Variants in SLC15A4 observed in about 807,000 individuals in gnomAD.
SLC15A4 encodes hPHT1.
In SLC15A4, 26 loss-of-function variants were observed where a neutral mutation model predicts 46.1. That is an observed-to-expected ratio of 0.56 (90% CI 0.41 to 0.78). The LOEUF is 0.78. Ranked by LOEUF, SLC15A4 falls within the 30% of genes least tolerant of loss-of-function variation. The probability of loss-of-function intolerance (pLI) is 0.00; values close to 1 mark genes in which losing one functional copy is unlikely to be tolerated. For missense variants in SLC15A4, 751 were observed against 755.7 expected (o/e 0.99, Z 0.07); for synonymous variants, 370 against 333.4 (o/e 1.11, Z -1.20).
At chr12:128,806,787 G>T (rs1955594319) in intron 5 of SLC15A4, among the ~76,000 whole-genome samples, 1 of 152,054 alleles carries the variant, frequency 6.6e-6, no homozygotes, top group Non-Finnish European at 1.5e-5. Context: ...CACTAGGTCA[G>T]AGCGCATGCC....
At position 128,823,861 on chromosome 12, in the gene SLC15A4, CCAGCCGCCGCCG is replaced by C. The variant is rs1020526956; in HGVS notation, c.71_82del (p.Ala24_Ala27del). On this transcript the variant is annotated inframe_deletion, in exon 1 of 8. Coordinates refer to ENST00000266771, the MANE Select transcript of SLC15A4 (RefSeq NM_145648.4). Reference sequence around the variant, plus strand: ...CGCCGCGCGCCGGCCCGCGAACGCCCCAGCCGCCGCCGCGGCCGCCGCCGCCCGCCGCGCGCC... The same window carrying C: ...CGCCGCGCGCCGGCCCGCGAACGCCCCGGCCGCCGCCGCCCGCCGCGCGCC... The C allele has an allele frequency of 2.7e-5, 29 of 1,080,600 alleles. No individual in the cohort carries two copies. The highest frequency in any genetic ancestry group is 6.7e-5 in the African/African-American group (4 of 59,344). 66.9% of individuals were successfully genotyped at this position (1,080,600 alleles called of 1,614,324 possible). A position where few individuals can be genotyped will look rare whatever the true frequency, so the allele number is the denominator to read the frequency against.
At chr12:128,815,112 G>A (rs1276474551) in intron 1 of SLC15A4, 42 bp from the exon 2 acceptor site, 3 of 1,569,440 alleles carry the variant, frequency 1.9e-6, no homozygotes, top group East Asian at 4.5e-5. Context: ...ATATATGACA[G>A]TCTTCAAGGA....
At chr12:128,816,848 T>C (rs1955759267) in intron 1 of SLC15A4, among the ~76,000 whole-genome samples, 1 of 152,204 alleles carries the variant, frequency 6.6e-6, no homozygotes. Flanking sequence ...AGATATGGTA[T>C]GTAATAAGCA....
At chr12:128,816,469 A>C (rs1401614161) in intron 1 of SLC15A4, among the ~76,000 whole-genome samples, 2 of 152,226 alleles carry the variant, frequency 1.3e-5, no homozygotes, top group Non-Finnish European at 2.9e-5. Flanking sequence ...TATTCTAATA[A>C]TAGATCTAGT....
chr12:128,808,303 C>T (rs1955613421), intron 5 of SLC15A4, among the ~76,000 whole-genome samples: 2 of 152,152 alleles, frequency 1.3e-5, no homozygotes, highest in African/African-American at 4.8e-5. Context: ...GCCCAGGAGC[C>T]TGTAACAATC....
At chr12:128,806,287 T>C (rs1157815211) in intron 5 of SLC15A4, among the ~76,000 whole-genome samples, 1 of 151,970 alleles carries the variant, frequency 6.6e-6, no homozygotes, top group Non-Finnish European at 1.5e-5. Context: ...CCACCTAAGA[T>C]GACAAGTTTG....
intron 6 of SLC15A4, among the ~76,000 whole-genome samples, chr12:128,800,062 C>T (rs1051425981): frequency 4.6e-5 from 7 of 152,024 alleles, no homozygotes; most frequent in Admixed American, 2.6e-4. Context: ...AGGCTGGTCT[C>T]GAACTCCTGA....
At chr12:128,806,158 T>G (rs1955585033) in intron 5 of SLC15A4, among the ~76,000 whole-genome samples, 1 of 86,944 alleles carries the variant, frequency 1.2e-5, no homozygotes, top group Non-Finnish European at 2.3e-5. Flanking sequence ...CGACAGAGAC[T>G]CTGTCTCAAA....
Position 128,799,292 on chromosome 12 carries a change from C to A in SLC15A4, c.1540G>T (p.Ala514Ser). The A allele has an allele frequency of 1.2e-6, 2 of 1,614,160 alleles. No individual in the cohort carries two copies. The highest frequency in any genetic ancestry group is 1.7e-6 in the Non-Finnish European group (2 of 1,180,036). ...GTGTGACTGCTCATCCATCCGATGG[C>A]TTTGATAGACACCAGTGCCAGCAGT... ...SGLLALVSIKAIGWMSSHTDF... is the reference protein window; with the variant it reads ...SGLLALVSIKSIGWMSSHTDF... Residue 514 changes from alanine to serine, a missense_variant, in exon 7 of 8, where the codon GCC (alanine) becomes TCC (serine). Physicochemically the swap from Ala to Ser is moderately conservative, Grantham distance 99. Coordinates refer to ENST00000266771, the MANE Select transcript of SLC15A4 (RefSeq NM_145648.4).
chr12:128,819,531 A>C (rs1739071748), intron 1 of SLC15A4: 2 of 152,220 alleles, frequency 1.3e-5, no homozygotes, highest in South Asian at 4.1e-4. Flanking sequence ...ACCACACCTA[A>C]GAAAGGCAAC....
chr12:128,805,499 A>C (rs1036553739), intron 5 of SLC15A4, among the ~76,000 whole-genome samples: 2 of 152,202 alleles, frequency 1.3e-5, no homozygotes, highest in African/African-American at 4.8e-5. Context: ...AGAAATGTAT[A>C]AAACTTTCCA....
chr12:128,806,720 C>T lies in SLC15A4; in HGVS notation c.1258+2068G>A, dbSNP rs936048788. Among the ~76,000 whole-genome samples the T allele has an allele frequency of 7.2e-5, 11 of 152,116 alleles. No homozygotes were observed. The South Asian group carries it at 8.3e-4, about 11-fold the overall frequency. On this transcript the variant is annotated intron_variant, in intron 5 of 7. Transcript: ENST00000266771. ...ACGCCTGTTTCAGGACGCACACATG[C>T]TGTGAACTTTCCACTTCCATGTCAC...
At position 128,809,355 on chromosome 12, in the gene SLC15A4, G is replaced by A. The variant is rs746054819; in HGVS notation, c.1089+41C>T. 8.3e-6 allele frequency: 11 copies of A among 1,318,006 alleles called. No homozygotes were observed. The East Asian group carries it at 2.6e-4, about 31-fold the overall frequency. The allele number at this position is 1,318,006 out of a possible 1,614,324, so 81.6% of individuals were successfully genotyped here. On this transcript the variant is annotated intron_variant, in intron 4 of 7. Coordinates refer to ENST00000266771, the MANE Select transcript of SLC15A4 (RefSeq NM_145648.4). ...TAGAAGGAATCCATTTATTACATAA[G>A]TCCAAAATAACAATGTTCAGATCAT...
chr12:128,808,480 T>C (rs1955614933), intron 5 of SLC15A4, among the ~76,000 whole-genome samples: 1 of 152,260 alleles, frequency 6.6e-6, no homozygotes, highest in South Asian at 2.1e-4. Flanking sequence ...AAAATTCATC[T>C]ATTCAGCATT....
chr12:128,808,823 C>A lies in SLC15A4; in HGVS notation c.1223G>T (p.Gly408Val). 1 of 1,614,172 alleles carries A rather than the reference C, an allele frequency of 6.2e-7. No individual in the cohort carries two copies. Among genetic ancestry groups the A allele is most frequent in the South Asian group, 1.1e-5 (1 of 91,090 alleles). ...LPSSLKRIAV[G>V]MFFVMCSAFA... ...GGCCGAGCACATGACAAAGAACATG[C>A]CCACGGCGATCCTCTTCAGGGAGGA... The change falls in exon 5 of 8, where the codon GGC (glycine) becomes GTC (valine). Residue 408 changes from glycine (G) to valine (V), a missense_variant. Transcript: ENST00000266771.
At chr12:128,818,986 T>G (rs1272863405) in intron 1 of SLC15A4, among the ~76,000 whole-genome samples, 1 of 152,258 alleles carries the variant, frequency 6.6e-6, no homozygotes, top group Admixed American at 6.5e-5. Context: ...ATTTAGTTTA[T>G]ACATTCATCA....
Position 128,823,638 on chromosome 12 carries a change from C to T in SLC15A4, c.306G>A (p.Arg102=). Residue 102 remains arginine, a synonymous_variant, in exon 1 of 8, where the codon CGG becomes CGA. Transcript: ENST00000266771. ...CCAGGCTCAGCAGGATGGCGCGCGC[C>T]CGGCCCAGCCGCGCGTCGGCCAGCC... ...GGWLADARLG[R]ARAILLSLAL... The T allele has an allele frequency of 6.7e-7, 1 of 1,483,516 alleles. No individual in the cohort carries two copies. The highest frequency in any genetic ancestry group is 8.9e-7 in the Non-Finnish European group (1 of 1,121,650). 91.9% of individuals were successfully genotyped at this position (1,483,516 alleles called of 1,614,324 possible). A position where few individuals can be genotyped will look rare whatever the true frequency, so the allele number is the denominator to read the frequency against.
intron 2 of SLC15A4, among the ~76,000 whole-genome samples, chr12:128,811,749 TAACA>T (rs1336009811): frequency 1.3e-5 from 2 of 152,256 alleles, no homozygotes; most frequent in African/African-American, 4.8e-5. Flanking sequence ...AACATTTAAA[TAACA>T]AATAAACCCA....
chr12:128,822,296 G>A (rs1955854956), intron 1 of SLC15A4, among the ~76,000 whole-genome samples: 1 of 152,152 alleles, frequency 6.6e-6, no homozygotes, highest in Non-Finnish European at 1.5e-5. Flanking sequence ...TTTCATCTGA[G>A]CTTTCCGACC....
Sources: allele counts gnomAD v4.1 joint callset (sites outside exome capture counted in the v4.1 genomes callset), GRCh38; gene constraint gnomAD v4.1.1; transcripts MANE v1.5; gene names NCBI Gene and HGNC (gene_info 2026-07-23, HGNC 2026-07-21).